The following DNAJC16 variants were observed in gnomAD, a reference collection of about 807,000 sequenced individuals.
DNAJC16 encodes dnaJ homolog subfamily C member 16.
A neutral mutation model predicts 92.7 loss-of-function variants in DNAJC16; 76 were observed. The observed-to-expected ratio is 0.82, with a 90% CI of 0.68 to 0.99. The LOEUF (loss-of-function observed/expected upper bound fraction) is 0.99. Ranked by LOEUF, DNAJC16 falls within the 50% of genes least tolerant of loss-of-function variation. The pLI is 0.00. For synonymous variants in DNAJC16, 328 were observed against 358.7 expected (o/e 0.91, Z 0.97); for missense variants, 869 against 942.4 (o/e 0.92, Z 1.02).
chr1:15,551,228 T>A (rs1046713710), intron 7 of DNAJC16, among the ~76,000 whole-genome samples: 9 of 152,226 alleles, frequency 5.9e-5, no homozygotes, highest in African/African-American at 2.2e-4. Flanking sequence ...CCTTAACCCT[T>A]GAGTGCATGT....
intron 8 of DNAJC16, among the ~76,000 whole-genome samples, chr1:15,560,728 T>C (rs1638671092): frequency 1.3e-5 from 2 of 152,194 alleles, no homozygotes; most frequent in Non-Finnish European, 2.9e-5. Flanking sequence ...ACTGTAAGGA[T>C]TGTTGTTTAC....
chr1:15,546,871 G>A lies in DNAJC16; in HGVS notation c.864G>A (p.Lys288=), dbSNP rs1229709385. The A allele has an allele frequency of 6.3e-6, 10 of 1,591,994 alleles. No homozygotes were observed. Among genetic ancestry groups the A allele is most frequent in the Non-Finnish European group, 8.6e-6 (10 of 1,166,744 alleles). ...CGCCCATTGTGCCACTGTTATACAA[G>A]GTACTTTCTATGCTAGGATAATGGT... The part of the protein sequence containing the change: ...DQTPIVPLLY[K]LTAFAYKDYL... Residue 288 remains lysine (K), a splice_region_variant and synonymous_variant, in exon 6 of 15, where the codon AAG becomes AAA. Transcript: ENST00000375847.
chr1:15,536,072 C>CTTTTTTTTTTTTTTTT (rs758451008), intron 3 of DNAJC16, among the ~76,000 whole-genome samples: 11 of 84,572 alleles, frequency 1.3e-4, no homozygotes, highest in East Asian at 5.4e-4. Context: ...CTTTTCTTTT[C>CTTTTTTTTTTTTTTTT]TTTTTTTTTT....
At chr1:15,538,596 A>G (rs544911417) in intron 4 of DNAJC16, among the ~76,000 whole-genome samples, 2 of 152,124 alleles carry the variant, frequency 1.3e-5, no homozygotes, top group Non-Finnish European at 2.9e-5. Context: ...ACGTGCCTGT[A>G]ATCCCAGCTA....
At chr1:15,544,769 A>G (rs1434360505) in intron 5 of DNAJC16, among the ~76,000 whole-genome samples, 186 bp downstream of exon 5, 1 of 152,218 alleles carries the variant, frequency 6.6e-6, no homozygotes, top group Non-Finnish European at 1.5e-5. Flanking sequence ...GAGACTAATA[A>G]TTGAAACAGA....
chr1:15,549,817 CAAAAAA>C lies in DNAJC16; in HGVS notation c.1023+1405_1023+1410del, dbSNP rs777127254. ...TGGGCGACAGAGCAAGACTCCGTCT[CAAAAAA>C]AAAAAAAAAAAAAAAGATGTTTTGA... On this transcript the variant is annotated intron_variant, in intron 7 of 14. Coordinates refer to ENST00000375847, the MANE Select transcript of DNAJC16 (RefSeq NM_015291.4). Among the ~76,000 whole-genome samples the C allele has an allele frequency of 3.7e-4, 21 of 56,346 alleles. No individual in the cohort carries two copies. In the South Asian group the frequency reaches 9.0e-3, roughly 24 times the overall value. The allele number at this position is 56,346 out of a possible 152,430, so 37.0% of individuals were successfully genotyped here. A position where few individuals can be genotyped will look rare whatever the true frequency, so the allele number is the denominator to read the frequency against.
At chr1:15,552,837 G>T (rs1271655691) in intron 7 of DNAJC16, among the ~76,000 whole-genome samples, 1 of 147,714 alleles carries the variant, frequency 6.8e-6, no homozygotes, top group African/African-American at 2.5e-5. Flanking sequence ...GTGAGATCTC[G>T]ACTCACTGCA....
chr1:15,550,533 G>A (rs749702367), intron 7 of DNAJC16, among the ~76,000 whole-genome samples: 17 of 152,086 alleles, frequency 1.1e-4, no homozygotes, highest in African/African-American at 2.4e-4. Flanking sequence ...TCATTCTTCC[G>A]TTGGTGGACA....
intron 7 of DNAJC16, among the ~76,000 whole-genome samples, chr1:15,558,589 C>T (rs1638623377): frequency 6.6e-6 from 1 of 152,112 alleles, no homozygotes; most frequent in Non-Finnish European, 1.5e-5. Flanking sequence ...GCCTTGGCCT[C>T]CCAAAGCATT....
At chr1:15,561,898 A>T (rs1638700467) in intron 8 of DNAJC16, among the ~76,000 whole-genome samples, 1 of 152,014 alleles carries the variant, frequency 6.6e-6, no homozygotes, top group Non-Finnish European at 1.5e-5. Flanking sequence ...CATATATATA[A>T]AATTTTAAAA....
rs12039201 is a variant in DNAJC16, at chr1:15,566,970, G to C, written c.1779-129G>C. ...CCATCCCCATCCTACCAATGTGTTA[G>C]ACTCAAGAATAGTGAATAACATACC... is the stretch of plus-strand genomic sequence containing the variant. On this transcript the variant is annotated intron_variant, in intron 13 of 14. Transcript: ENST00000375847. The C allele has an allele frequency of 3.7e-6, 3 of 812,756 alleles. No individual in the cohort carries two copies. The East Asian group carries it at 8.1e-5, about 22-fold the overall frequency. 50.3% of individuals were successfully genotyped at this position (812,756 alleles called of 1,614,324 possible). A position where few individuals can be genotyped will look rare whatever the true frequency, so the allele number is the denominator to read the frequency against.
chr1:15,568,353 C>A lies in DNAJC16; in HGVS notation c.*176C>A. On this transcript the variant is annotated 3_prime_UTR_variant, in exon 15 of 15. Transcript: ENST00000375847. ...TGTTCTAACCTAGGAATGAAAAACA[C>A]CACCAGTTTGAATCGCCTAGATGAA... The A allele has an allele frequency of 1.7e-6, 1 of 581,154 alleles. No homozygotes were observed. Among genetic ancestry groups the A allele is most frequent in the Non-Finnish European group, 2.9e-6 (1 of 341,326 alleles). 36.0% of individuals were successfully genotyped at this position (581,154 alleles called of 1,614,324 possible). A position where few individuals can be genotyped will look rare whatever the true frequency, so the allele number is the denominator to read the frequency against.
At chr1:15,534,805 G>A (rs1710742993) in intron 3 of DNAJC16, among the ~76,000 whole-genome samples, 1 of 152,130 alleles carries the variant, frequency 6.6e-6, no homozygotes. Flanking sequence ...GGAAAAACTG[G>A]CCTATTTTAA....
chr1:15,567,101 A>C lies in DNAJC16; in HGVS notation c.1781A>C (p.Lys594Thr). 6.2e-7 allele frequency: 1 copy of C among 1,606,030 alleles called. No homozygotes were observed. Among genetic ancestry groups the C allele is most frequent in the Non-Finnish European group, 8.5e-7 (1 of 1,173,070 alleles). ...AACTCCTCAATATTTCTCCACAGCA[A>C]GATTCCTAAAAAAGGCTTTGTGGAG... ...EPSFTKENSS[K>T]IPKKGFVEVT... Residue 594 changes from lysine (K) to threonine (T), a missense_variant and splice_region_variant, in exon 14 of 15, where the codon AAG becomes ACG. By Grantham distance (78) the Lys-to-Thr change is moderately conservative. Coordinates refer to ENST00000375847, the MANE Select transcript of DNAJC16 (RefSeq NM_015291.4).
chr1:15,562,780 C>A (rs112924766), intron 9 of DNAJC16, among the ~76,000 whole-genome samples: 1,737 of 151,976 alleles, frequency 0.011, 38 homozygotes, highest in African/African-American at 0.039. Flanking sequence ...CTGCTCCTGG[C>A]CTAAAGCCTA....
At chr1:15,565,734 G>T in intron 11 of DNAJC16, 185 bp from the exon 12 acceptor site, 1 of 630,176 alleles carries the variant, frequency 1.6e-6, no homozygotes, top group Non-Finnish European at 2.8e-6. Flanking sequence ...CTGTGAATTA[G>T]AACACTGAGC....
Position 15,548,270 on chromosome 1 carries a change from T to C in DNAJC16, c.865T>C (p.Leu289=). Residue 289 remains leucine (L), a splice_region_variant and synonymous_variant, in exon 7 of 15, where the codon TTG becomes CTG. Transcript: ENST00000375847. ...CTTCCTCTCTATTATGCCCTAACAG[T>C]TGACTGCCTTTGCATACAAAGATTA... ...QTPIVPLLYK[L]TAFAYKDYLS... is the part of the protein sequence containing the mutation. 6.2e-7 allele frequency: 1 copy of C among 1,613,716 alleles called. No individual in the cohort carries two copies. The highest frequency in any genetic ancestry group is 8.5e-7 in the Non-Finnish European group (1 of 1,179,836).
At chr1:15,528,754 C>T (rs1372489776) in intron 1 of DNAJC16, among the ~76,000 whole-genome samples, 1 of 152,036 alleles carries the variant, frequency 6.6e-6, no homozygotes, top group Non-Finnish European at 1.5e-5. Context: ...GAGAGGTAGT[C>T]GTCCTGATTA....
In DNAJC16 at chr1:15,536,762, C is replaced by T. The variant is rs1710800004; in HGVS notation, c.522C>T (p.Cys174=). 1.2e-6 allele frequency: 2 copies of T among 1,613,582 alleles called. No homozygotes were observed. The highest frequency in any genetic ancestry group is 1.7e-5 in the Admixed American group (1 of 59,918). ...IKITSDWCFS[C]IHIEPVWKEV... is the part of the protein sequence containing the mutation. ...TCACCTCCGATTGGTGCTTTAGCTG[C>T]ATTCATATCGAGCCTGTGTGGAAAG... The change falls in exon 4 of 15, where the codon TGC becomes TGT. Residue 174 remains cysteine (C), a synonymous_variant. Transcript: ENST00000375847.
Sources: allele counts gnomAD v4.1 joint callset (sites outside exome capture counted in the v4.1 genomes callset), GRCh38; gene constraint gnomAD v4.1.1; transcripts MANE v1.5; gene names NCBI Gene and HGNC (gene_info 2026-07-23, HGNC 2026-07-21).